Variants in AKIRIN2 observed in about 807,000 individuals in gnomAD.
The protein encoded by AKIRIN2 is akirin-2.
Under a neutral mutation model 29.3 loss-of-function variants are expected in AKIRIN2, and 6 were observed. The observed-to-expected ratio is 0.20, with a 90% CI of 0.11 to 0.40. AKIRIN2 has a LOEUF of 0.40. Among genes scored for constraint, AKIRIN2 ranks in the 10% least tolerant of loss-of-function variants. AKIRIN2 has a pLI of 1.00. For missense variants in AKIRIN2, 210 were observed against 276.1 expected (o/e 0.76, Z 1.70); for synonymous variants, 128 against 117.5 (o/e 1.09, Z -0.58).
At chr6:87,677,034 G>A (rs1178168252) in intron 3 of AKIRIN2, among the ~76,000 whole-genome samples, 4 of 149,998 alleles carry the variant, frequency 2.7e-5, no homozygotes, top group South Asian at 2.1e-4. Flanking sequence ...CCAAGACTGC[G>A]CCACTGCACT....
At chr6:87,676,601 A>ACGCACGCGCGCG (rs1220775678) in intron 3 of AKIRIN2, among the ~76,000 whole-genome samples, 119 of 26,692 alleles carry the variant, frequency 4.5e-3, no homozygotes, top group African/African-American at 8.8e-3. Flanking sequence ...CTAAAAACAC[A>ACGCACGCGCGCG]CACACACACA....
chr6:87,676,626 CAA>C (rs1771003363), intron 3 of AKIRIN2, among the ~76,000 whole-genome samples: 6 of 132,518 alleles, frequency 4.5e-5, no homozygotes, highest in African/African-American at 1.7e-4. Flanking sequence ...CACACACACA[CAA>C]ACATAGCTGG....
intron 1 of AKIRIN2, among the ~76,000 whole-genome samples, chr6:87,694,433 T>C (rs150223905): frequency 4.6e-4 from 70 of 152,346 alleles, no homozygotes; most frequent in Non-Finnish European, 5.1e-4. Context: ...GTGGCTGCTC[T>C]ATCATCAGTC....
chr6:87,691,932 G>T (rs1195956140), intron 1 of AKIRIN2, among the ~76,000 whole-genome samples: 1 of 152,202 alleles, frequency 6.6e-6, no homozygotes, highest in Non-Finnish European at 1.5e-5. Context: ...GGAGGAAAAT[G>T]AGTATGTTTT....
At chr6:87,688,578 T>A (rs1442385726) in intron 1 of AKIRIN2, among the ~76,000 whole-genome samples, 1 of 151,978 alleles carries the variant, frequency 6.6e-6, no homozygotes, top group Admixed American at 6.5e-5. Flanking sequence ...AAACCCCATC[T>A]CTACTAAAAA....
In AKIRIN2 at chr6:87,689,841, T is replaced by C. The variant is rs558259669; in HGVS notation, c.236-8078A>G. 3.9e-5 allele frequency among the ~76,000 whole-genome samples: 6 copies of C among 152,332 alleles called. No individual in the cohort carries two copies. In the East Asian group the frequency reaches 1.2e-3, roughly 29 times the overall value. ...GCCGGTCAGGACTGGAATTCACTAG[T>C]TCCCTCCTAGTTTACTTTAAATCAT... On this transcript the variant is annotated intron_variant, in intron 1 of 4. Coordinates refer to ENST00000257787, the MANE Select transcript of AKIRIN2 (RefSeq NM_018064.4).
chr6:87,676,447 CA>C (rs71021319), intron 3 of AKIRIN2, among the ~76,000 whole-genome samples: 2,568 of 41,880 alleles, frequency 0.061, 40 homozygotes, highest in African/African-American at 0.15. Context: ...GCCTGGGCAA[CA>C]AAAAAAAAAA....
At position 87,674,883 on chromosome 6, in the gene AKIRIN2, A is replaced by T. The variant is rs1770935964; in HGVS notation, c.*714T>A. ...GCTTACGTTTTAAAACACCAACTTT[A>T]TTCAAATACTAACCCCATCTGTACA... On this transcript the variant is annotated 3_prime_UTR_variant, in exon 5 of 5. Coordinates refer to ENST00000257787, the MANE Select transcript of AKIRIN2 (RefSeq NM_018064.4). Among the ~76,000 whole-genome samples the T allele has an allele frequency of 6.6e-6, 1 of 151,962 alleles. No homozygotes were observed. Among genetic ancestry groups the T allele is most frequent in the South Asian group, 2.1e-4 (1 of 4,832 alleles).
intron 3 of AKIRIN2, among the ~76,000 whole-genome samples, chr6:87,676,843 A>G (rs1209758455): frequency 6.0e-5 from 9 of 149,884 alleles, no homozygotes; most frequent in East Asian, 2.0e-4. Context: ...TTGAGAGGCC[A>G]AGGCGGGCAG....
chr6:87,677,203 A>G (rs1205588503), intron 3 of AKIRIN2, among the ~76,000 whole-genome samples: 1 of 152,206 alleles, frequency 6.6e-6, no homozygotes, highest in Non-Finnish European at 1.5e-5. Flanking sequence ...AACAAAAGCT[A>G]ACAACAAAAC....
chr6:87,690,923 A>G (rs1398111939), intron 1 of AKIRIN2, among the ~76,000 whole-genome samples: 1 of 152,142 alleles, frequency 6.6e-6, no homozygotes, highest in Non-Finnish European at 1.5e-5. Flanking sequence ...CAGCGAGCGG[A>G]GACTGCACCA....
At chr6:87,694,501 T>A (rs1206421161) in intron 1 of AKIRIN2, among the ~76,000 whole-genome samples, 1 of 152,154 alleles carries the variant, frequency 6.6e-6, no homozygotes, top group Non-Finnish European at 1.5e-5. Flanking sequence ...AGAACTCAAA[T>A]GAGGTTCATA....
chr6:87,687,493 T>G (rs950010295), intron 1 of AKIRIN2, among the ~76,000 whole-genome samples: 1 of 150,962 alleles, frequency 6.6e-6, no homozygotes, highest in Non-Finnish European at 1.5e-5. Context: ...CCCATCTTTA[T>G]TAATTGGCTA....
rs932714962 is a variant in AKIRIN2 at position 87,702,059 on chromosome 6, T to C, written c.-375A>G. On this transcript the variant is annotated 5_prime_UTR_variant, in exon 1 of 5. Coordinates refer to ENST00000257787, the MANE Select transcript of AKIRIN2 (RefSeq NM_018064.4). ...GCGCTTCTGTGCTGAGACTAGATCC[T>C]TTCTGAAGTCGAAAACAGCACCGTG... 3 of 399,652 alleles carry C rather than the reference T, an allele frequency of 7.5e-6. No homozygotes were observed. The highest frequency in any genetic ancestry group is 4.4e-5 in the Admixed American group (1 of 22,744). The allele number at this position is 399,652 out of a possible 1,614,324, so 24.8% of individuals were successfully genotyped here. A position where few individuals can be genotyped will look rare whatever the true frequency, so the allele number is the denominator to read the frequency against.
At chr6:87,675,979 G>C in intron 3 of AKIRIN2, 48 bp from the exon 4 acceptor site, 1 of 1,515,288 alleles carries the variant, frequency 6.6e-7, no homozygotes, top group Non-Finnish European at 9.0e-7. Context: ...TGCCTTATTA[G>C]AGCCAGATAA....
At chr6:87,679,811 C>T (rs180962964) in intron 2 of AKIRIN2, among the ~76,000 whole-genome samples, 5 of 152,290 alleles carry the variant, frequency 3.3e-5, no homozygotes, top group Admixed American at 6.5e-5. Flanking sequence ...GTAGTAATAA[C>T]ATCTACTGTA....
chr6:87,678,273 G>A (rs944787183), intron 2 of AKIRIN2, among the ~76,000 whole-genome samples: 9 of 152,114 alleles, frequency 5.9e-5, no homozygotes, highest in African/African-American at 1.2e-4. Context: ...CGAGGTGGGC[G>A]GATCACCTGA....
intron 1 of AKIRIN2, among the ~76,000 whole-genome samples, chr6:87,688,086 A>G (rs1407053275): frequency 1.3e-5 from 2 of 152,002 alleles, no homozygotes; most frequent in African/African-American, 4.8e-5. Context: ...GAGCTACAAT[A>G]GCGCCACTGC....
chr6:87,692,604 G>A (rs1771293457), intron 1 of AKIRIN2, among the ~76,000 whole-genome samples: 1 of 151,770 alleles, frequency 6.6e-6, no homozygotes, highest in South Asian at 2.1e-4. Flanking sequence ...CTGAGGTCAG[G>A]AGTTCAAGAC....
Sources: allele counts gnomAD v4.1 joint callset (sites outside exome capture counted in the v4.1 genomes callset), GRCh38; gene constraint gnomAD v4.1.1; transcripts MANE v1.5; gene names NCBI Gene and HGNC (gene_info 2026-07-23, HGNC 2026-07-21).